RYR2: variants seen among roughly 807,000 people sequenced by gnomAD.
The protein encoded by RYR2 is cardiac muscle ryanodine receptor-calcium release channel.
RYR2 carries 227 observed loss-of-function variants against 601.1 expected under a neutral mutation model. The observed-to-expected ratio is 0.38, with a 90% CI of 0.34 to 0.42. The LOEUF is 0.42. Ranked by LOEUF, RYR2 falls within the 10% of genes least tolerant of loss-of-function variation. The probability of loss-of-function intolerance (pLI) is 1.00; values close to 1 mark genes in which losing one functional copy is unlikely to be tolerated. For missense variants in RYR2, 4,646 were observed against 6,156.5 expected, an observed-to-expected ratio of 0.75 and a Z score of 8.21; for synonymous variants, 2,223 against 2,175.1, an observed-to-expected ratio of 1.02 and a Z score of -0.61.
chr1:237,769,737 TTC>T (rs1273950918), intron 84 of RYR2, among the ~76,000 whole-genome samples: 7 of 144,780 alleles, frequency 4.8e-5, no homozygotes, highest in Non-Finnish European at 9.2e-5. Flanking sequence ...CTGTAAAAAG[TTC>T]TTTTTTTTTT....
At chr1:237,739,382 C>T (rs1691417915) in intron 79 of RYR2, among the ~76,000 whole-genome samples, 1 of 152,116 alleles carries the variant, frequency 6.6e-6, no homozygotes, top group Non-Finnish European at 1.5e-5. Flanking sequence ...CTGCTCGATT[C>T]CTTAGAATGT....
chr1:237,304,431 A>C (rs1693672302), intron 2 of RYR2, among the ~76,000 whole-genome samples: 1 of 152,260 alleles, frequency 6.6e-6, no homozygotes, highest in Non-Finnish European at 1.5e-5. Flanking sequence ...ACACAAATGT[A>C]AATTGCTCTT....
chr1:237,364,596 T>G (rs1157297649), intron 5 of RYR2, among the ~76,000 whole-genome samples: 1 of 152,092 alleles, frequency 6.6e-6, no homozygotes, highest in Non-Finnish European at 1.5e-5. Flanking sequence ...TTCACATGCT[T>G]TTAAAAGGTT....
chr1:237,400,814 A>C (rs1248635268), intron 10 of RYR2, among the ~76,000 whole-genome samples: 1 of 152,106 alleles, frequency 6.6e-6, no homozygotes, highest in Non-Finnish European at 1.5e-5. Flanking sequence ...AAAAGGAAGG[A>C]GATCAGGGAA....
chr1:237,364,224 GT>G (rs557950323), intron 4 of RYR2, 133 bp from the exon 5 acceptor site: 139 of 693,234 alleles, frequency 2.0e-4, no homozygotes, highest in Middle Eastern at 5.5e-4. Flanking sequence ...CATGGTGAAT[GT>G]TTTTTTTTAT....
At chr1:237,310,577 GC>G in intron 2 of RYR2, among the ~76,000 whole-genome samples, 1 of 152,060 alleles carries the variant, frequency 6.6e-6, no homozygotes, top group Admixed American at 6.6e-5. Context: ...TTCCCCTCCA[GC>G]CCACTTTACC....
At position 237,639,191 on chromosome 1, in the gene RYR2, A is replaced by G. The variant is rs1327450246; in HGVS notation, c.7105A>G (p.Ser2369Gly). 4.3e-6 allele frequency: 7 copies of G among 1,612,596 alleles called. No homozygotes were observed. Among genetic ancestry groups the G allele is most frequent in the East Asian group, 4.5e-5 (2 of 44,866 alleles). ...RDGPSPNSGS[S>G]KTLDTEEEED... Reference sequence around the variant, plus strand: ...TGGTCCCTCACCAAATAGCGGATCCAGTAAAACACTGTAGGTCTAATATAC... The same window carrying G: ...TGGTCCCTCACCAAATAGCGGATCCGGTAAAACACTGTAGGTCTAATATAC... Residue 2369 changes from serine (S) to glycine (G), a missense_variant, in exon 46 of 105, where the codon AGT becomes GGT. Transcript: ENST00000366574.
chr1:237,660,949 T>C lies in RYR2; in HGVS notation c.8436+2T>C. ...CGTCGTATTTCTCAGACAAGCCAGG[T>C]AAGAATTCATCACGGTGATGAATCA... On this transcript the variant is annotated splice_donor_variant, in intron 56 of 104. Transcript: ENST00000366574. LOFTEE classifies it high-confidence loss of function. 1.4e-6 allele frequency: 2 copies of C among 1,402,236 alleles called. No individual in the cohort carries two copies. Among genetic ancestry groups the C allele is most frequent in the East Asian group, 5.4e-5 (2 of 37,364 alleles). The allele number at this position is 1,402,236 out of a possible 1,614,324, so 86.9% of individuals were successfully genotyped here. A position where few individuals can be genotyped will look rare whatever the true frequency, so the allele number is the denominator to read the frequency against.
In RYR2 at chr1:237,625,699, A is replaced by G; in HGVS notation, c.6061A>G (p.Ser2021Gly). ...TGAAGATGGGTCTCTGGATGGAAAC[A>G]GTGATTTAACAATTAGAGGGCGTCT... ...LDEDGSLDGNSDLTIRGRLLS... is the reference protein window; with the variant it reads ...LDEDGSLDGNGDLTIRGRLLS... Residue 2021 changes from serine (S) to glycine (G), a missense_variant, in exon 40 of 105, where the codon AGT (serine) becomes GGT (glycine). Ser to Gly is a moderately conservative substitution (Grantham distance 56, BLOSUM62 0). Coordinates refer to ENST00000366574, the MANE Select transcript of RYR2 (RefSeq NM_001035.3). 1 of 1,613,814 alleles carries G rather than the reference A, an allele frequency of 6.2e-7. No homozygotes were observed. Among genetic ancestry groups the G allele is most frequent in the Non-Finnish European group, 8.5e-7 (1 of 1,179,850 alleles).
chr1:237,821,754 T>C (rs1224890314), intron 101 of RYR2, among the ~76,000 whole-genome samples: 2 of 151,862 alleles, frequency 1.3e-5, no homozygotes, highest in Admixed American at 6.6e-5. Flanking sequence ...TTCTAACCCA[T>C]TGCAAGGAAG....
chr1:237,620,988 A>G (rs1188514574), intron 38 of RYR2, among the ~76,000 whole-genome samples: 1 of 152,144 alleles, frequency 6.6e-6, no homozygotes, highest in East Asian at 1.9e-4. Context: ...TGTTCATGAA[A>G]CATTTGCTAA....
intron 2 of RYR2, among the ~76,000 whole-genome samples, chr1:237,313,629 T>C (rs1459882468): frequency 2.0e-5 from 3 of 152,214 alleles, no homozygotes; most frequent in Non-Finnish European, 4.4e-5. Flanking sequence ...TTCAGACTTC[T>C]AATGTCTAGA....
At chr1:237,308,180 C>T (rs34345736) in intron 2 of RYR2, among the ~76,000 whole-genome samples, 51,348 of 152,074 alleles carry the variant, frequency 0.34, 8,905 homozygotes, top group South Asian at 0.51. Flanking sequence ...ATCTAGAGAA[C>T]AATGGCATTC....
intron 17 of RYR2, among the ~76,000 whole-genome samples, chr1:237,474,113 C>T (rs1661094411): frequency 6.6e-6 from 1 of 151,754 alleles, no homozygotes; most frequent in Admixed American, 6.6e-5. Context: ...GAGCTGCCGT[C>T]AGCCCTGACT....
At chr1:237,107,402 T>G (rs569717644) in intron 1 of RYR2, among the ~76,000 whole-genome samples, 18 of 149,046 alleles carry the variant, frequency 1.2e-4, no homozygotes, top group African/African-American at 4.2e-4. Flanking sequence ...GCGCCTGTAG[T>G]CCCAGCTACT....
chr1:237,325,460 A>C (rs990352463), intron 2 of RYR2, among the ~76,000 whole-genome samples: 3 of 152,090 alleles, frequency 2.0e-5, no homozygotes, highest in African/African-American at 7.2e-5. Context: ...AGGCCGAGGC[A>C]GGCGGATCAT....
At chr1:237,593,371 G>A (rs1160994057) in intron 32 of RYR2, 105 bp from the exon 33 acceptor site, 1 of 1,147,686 alleles carries the variant, frequency 8.7e-7, no homozygotes, top group Non-Finnish European at 1.2e-6. Context: ...ACCAAGAAGT[G>A]AATTCTTAAG....
chr1:237,403,064 G>C (rs1703531065), intron 10 of RYR2, among the ~76,000 whole-genome samples: 1 of 152,176 alleles, frequency 6.6e-6, no homozygotes, highest in Non-Finnish European at 1.5e-5. Context: ...AAGGAGAGAG[G>C]AAAGATGGAT....
intron 2 of RYR2, among the ~76,000 whole-genome samples, chr1:237,303,768 T>C (rs997595669): frequency 9.9e-5 from 15 of 152,246 alleles, no homozygotes; most frequent in African/African-American, 3.6e-4. Context: ...TCTCTAGTTG[T>C]TTAACATCTG....
Sources: allele counts gnomAD v4.1 joint callset (sites outside exome capture counted in the v4.1 genomes callset), GRCh38; gene constraint gnomAD v4.1.1; transcripts MANE v1.5; gene names NCBI Gene and HGNC (gene_info 2026-07-23, HGNC 2026-07-21).